Variants in F5 observed in about 807,000 individuals in gnomAD.
The protein encoded by F5 is activated protein c cofactor.
In F5, 138 loss-of-function variants were observed where a neutral mutation model predicts 216.4. The ratio of observed to expected loss-of-function variants is 0.64; its 90% CI spans 0.56 to 0.73. F5 has a LOEUF of 0.73. Among genes scored for constraint, F5 ranks in the 30% least tolerant of loss-of-function variants. The pLI, the probability that F5 is intolerant of heterozygous loss-of-function variation, is 0.00. For missense variants in F5, 2,403 were observed against 2,674.0 expected, an observed-to-expected ratio of 0.90 and a Z score of 2.24; for synonymous variants, 916 against 930.7, an observed-to-expected ratio of 0.98 and a Z score of 0.29.
intron 23 of F5, 61 bp from the exon 24 acceptor site, chr1:169,515,687 G>T (rs1265391303): frequency 1.3e-6 from 2 of 1,539,494 alleles, no homozygotes; most frequent in African/African-American, 1.4e-5. Flanking sequence ...TTTTTTTTTA[G>T]ACCAAGTTAT....
Position 169,541,609 on chromosome 1 carries a change from G to C in F5, c.3481C>G (p.Arg1161Gly). ...TCTGTGGGGAAGGACTTGTGACTTCGGTCATACTCAAGCATTTCACTGAGC... is the reference window on the plus strand; with the variant it reads ...TCTGTGGGGAAGGACTTGTGACTTCCGTCATACTCAAGCATTTCACTGAGC... Reference protein sequence around the residue: ...PELSEMLEYDRSHKSFPTDIS... With the variant: ...PELSEMLEYDGSHKSFPTDIS... Residue 1161 changes from arginine to glycine, a missense_variant, in exon 13 of 25, where the codon CGA becomes GGA. By Grantham distance (125) the Arg-to-Gly change is moderately radical. Around this residue, in one of 4 missense-constraint regions of F5, gnomAD observed 1,425 missense variants for 1,554.8 expected, o/e 0.92. Transcript: ENST00000367797. The C allele has an allele frequency of 6.2e-7, 1 of 1,614,098 alleles. No individual in the cohort carries two copies. The highest frequency in any genetic ancestry group is 8.5e-7 in the Non-Finnish European group (1 of 1,180,006).
rs201768061 is a variant in F5 at position 169,542,152 on chromosome 1, G to A, written c.2938C>T (p.Arg980Cys). Residue 980 changes from arginine to cysteine, a missense_variant, in exon 13 of 25, where the codon CGT becomes TGT. Physicochemically the swap from Arg to Cys is radical, Grantham distance 180. Transcript: ENST00000367797. ...AGAGGGGTGCTTTCTCCCCAAGCAC[G>A]TGAGGCATTCTGGGGGCTGATCAGC... ...NWLISPQNAS[R>C]AWGESTPLAN... 2.8e-5 allele frequency: 45 copies of A among 1,614,036 alleles called. No individual in the cohort carries two copies. The East Asian group carries it at 5.8e-4, about 21-fold the overall frequency.
At position 169,542,730 on chromosome 1, in the gene F5, G is replaced by A; in HGVS notation, c.2360C>T (p.Thr787Ile). 1 of 1,614,134 alleles carries A rather than the reference G, an allele frequency of 6.2e-7. No homozygotes were observed. The highest frequency in any genetic ancestry group is 8.5e-7 in the Non-Finnish European group (1 of 1,179,998). ...CTGAGGTTCTGCAAGGTTATTGACA[G>A]TGAACTTACTAATATTACTTGGGGA... is the stretch of plus-strand genomic sequence containing the variant. ...YSSPSNISKF[T>I]VNNLAEPQKA... Residue 787 changes from threonine to isoleucine, a missense_variant, in exon 13 of 25, where the codon ACT becomes ATT. By Grantham distance (89) the Thr-to-Ile change is moderately conservative. Around this residue, in one of 4 missense-constraint regions of F5, gnomAD observed 1,425 missense variants for 1,554.8 expected, o/e 0.92. Coordinates refer to ENST00000367797, the MANE Select transcript of F5 (RefSeq NM_000130.5).
chr1:169,559,346 C>A, intron 4 of F5, 50 bp from the exon 5 acceptor site: 1 of 1,596,058 alleles, frequency 6.3e-7, no homozygotes, highest in South Asian at 1.1e-5. Context: ...AGAAGACGCT[C>A]ATTAGCTTTC....
rs918132767 is a variant in F5 at position 169,514,138 on chromosome 1, T to C, written c.*175A>G. ...AAGTAATAGCCATTATCTTACTTAC[T>C]GGTAGCAAGGAGTTACATTATAAAA... On this transcript the variant is annotated 3_prime_UTR_variant, in exon 25 of 25. Coordinates refer to ENST00000367797, the MANE Select transcript of F5 (RefSeq NM_000130.5). 1 of 628,242 alleles carries C rather than the reference T, an allele frequency of 1.6e-6. No individual in the cohort carries two copies. Among genetic ancestry groups the C allele is most frequent in the South Asian group, 2.0e-5 (1 of 49,780 alleles). 38.9% of individuals were successfully genotyped at this position (628,242 alleles called of 1,614,324 possible). A position where few individuals can be genotyped will look rare whatever the true frequency, so the allele number is the denominator to read the frequency against.
rs1660292417 is a variant in F5, at chr1:169,555,298, C to A, written c.1002G>T (p.Arg334Ser). The change falls in exon 7 of 25, where the codon AGG becomes AGT. Residue 334 changes from arginine (R) to serine (S), a missense_variant. Physicochemically the swap from Arg to Ser is moderately radical, Grantham distance 110 (BLOSUM62 -1). Coordinates refer to ENST00000367797, the MANE Select transcript of F5 (RefSeq NM_000130.5). ...IDIKNCPKKTRNLKKITREQR... is the reference protein window; with the variant it reads ...IDIKNCPKKTSNLKKITREQR... The stretch of plus-strand genomic sequence containing the variant: ...GCTCACGAGTTATTTTCTTAAGATT[C>A]CTGGTTTTCTTTGGGCAGTTTTTAA... 1.2e-6 allele frequency: 2 copies of A among 1,613,960 alleles called. No homozygotes were observed. The highest frequency in any genetic ancestry group is 1.7e-5 in the Admixed American group (1 of 60,004).
In F5 at chr1:169,541,561, A is replaced by C. The variant is rs748943483; in HGVS notation, c.3529T>G (p.Ser1177Ala). 60 of 1,613,942 alleles carry C rather than the reference A, an allele frequency of 3.7e-5. No homozygotes were observed. In the Admixed American group the frequency reaches 4.8e-4, roughly 13 times the overall value. ...ACTGTCTGCCAGACTTCATGTTCTG[A>C]GGAAGGGGACATTTGACTTATATCT... ...PTDISQMSPS[S>A]EHEVWQTVIS... Residue 1177 changes from serine to alanine, a missense_variant, in exon 13 of 25, where the codon TCA becomes GCA. Physicochemically the swap from Ser to Ala is moderately conservative, Grantham distance 99 (BLOSUM62 1). Around this residue, in one of 4 missense-constraint regions of F5, gnomAD observed 1,425 missense variants for 1,554.8 expected, o/e 0.92. Coordinates refer to ENST00000367797, the MANE Select transcript of F5 (RefSeq NM_000130.5).
intron 3 of F5, 83 bp from the exon 4 acceptor site, chr1:169,560,849 G>A: frequency 1.6e-6 from 2 of 1,245,988 alleles, no homozygotes; most frequent in South Asian, 2.4e-5. Context: ...GGATAGCTAA[G>A]ATGAGTTCTC....
chr1:169,553,297 C>T (rs998215532), intron 7 of F5, among the ~76,000 whole-genome samples: 2 of 152,230 alleles, frequency 1.3e-5, no homozygotes, highest in Non-Finnish European at 2.9e-5. Flanking sequence ...GGAGCAGAAA[C>T]ATGAACCACT....
chr1:169,536,057 A>G (rs9332613), intron 14 of F5, among the ~76,000 whole-genome samples: 315 of 152,294 alleles, frequency 2.1e-3, no homozygotes, highest in African/African-American at 7.1e-3. Context: ...TTTGGAGGGC[A>G]TGGAGACATC....
intron 2 of F5, among the ~76,000 whole-genome samples, chr1:169,575,810 C>T (rs997684764): frequency 2.0e-5 from 3 of 151,864 alleles, no homozygotes; most frequent in Admixed American, 1.3e-4. Context: ...AATAATGTGC[C>T]CCTGCTGAGA....
chr1:169,528,716 T>A (rs1033014519), intron 16 of F5, among the ~76,000 whole-genome samples: 2 of 152,150 alleles, frequency 1.3e-5, no homozygotes, highest in African/African-American at 4.8e-5. Context: ...ATACGCGGAT[T>A]TTTTAAAAAG....
At chr1:169,518,355 G>C (rs776601500) in intron 23 of F5, 57 bp downstream of exon 23, 44 of 1,597,500 alleles carry the variant, frequency 2.8e-5, no homozygotes, top group Middle Eastern at 1.8e-4. Context: ...GTGGTAGTGA[G>C]GGCCTTTGCT....
At chr1:169,568,297 A>G (rs900416680) in intron 3 of F5, among the ~76,000 whole-genome samples, 50 of 152,252 alleles carry the variant, frequency 3.3e-4, no homozygotes, top group African/African-American at 1.2e-3. Flanking sequence ...AGACTTGTAC[A>G]TAGGATATAT....
At chr1:169,582,864 T>C (rs1179896880) in intron 1 of F5, among the ~76,000 whole-genome samples, 1 of 152,230 alleles carries the variant, frequency 6.6e-6, no homozygotes, top group Non-Finnish European at 1.5e-5. Flanking sequence ...ACCAAATCCT[T>C]TATGAATAAA....
chr1:169,557,487 C>A (rs1175191288), intron 5 of F5, among the ~76,000 whole-genome samples: 3 of 152,166 alleles, frequency 2.0e-5, no homozygotes, highest in Non-Finnish European at 4.4e-5. Context: ...TGGGGTTACA[C>A]ACTCTCCTTA....
chr1:169,571,354 T>C (rs9332533), intron 3 of F5, among the ~76,000 whole-genome samples: 47,269 of 152,010 alleles, frequency 0.31, 7,516 homozygotes, highest in Admixed American at 0.36. Context: ...CCTAAGTGAC[T>C]TCATTTAAAT....
At chr1:169,559,404 A>C (rs1212025480) in intron 4 of F5, 108 bp from the exon 5 acceptor site, 37 of 1,116,886 alleles carry the variant, frequency 3.3e-5, no homozygotes, top group Non-Finnish European at 4.2e-5. Flanking sequence ...AATGATTTCA[A>C]CTTGAAGAAA....
chr1:169,548,812 T>C (rs1465489408), intron 10 of F5, among the ~76,000 whole-genome samples: 2 of 149,772 alleles, frequency 1.3e-5, no homozygotes, highest in Non-Finnish European at 3.0e-5. Context: ...GAGGTTGCAG[T>C]GATCTAAAAT....
Sources: allele counts gnomAD v4.1 joint callset (sites outside exome capture counted in the v4.1 genomes callset), GRCh38; gene constraint gnomAD v4.1.1; regional missense constraint gnomAD v4.1.1; transcripts MANE v1.5; gene names NCBI Gene and HGNC (gene_info 2026-07-23, HGNC 2026-07-21).